HSD17B12: variants seen among roughly 807,000 people sequenced by gnomAD.
HSD17B12 encodes the protein hydroxysteroid 17-beta dehydrogenase 12, also known as very-long-chain 3-oxoacyl-CoA reductase.
Under a neutral mutation model 39.3 loss-of-function variants are expected in HSD17B12, and 32 were observed. That is an observed-to-expected ratio of 0.81 (90% CI 0.61 to 1.09). The LOEUF is 1.09. HSD17B12 is among the 50% of genes least tolerant of loss of function. HSD17B12 has a pLI of 0.00. For synonymous variants in HSD17B12, 150 were observed against 146.7 expected, an observed-to-expected ratio of 1.02 and a Z score of -0.16; for missense variants, 342 against 382.9, an observed-to-expected ratio of 0.89 and a Z score of 0.89.
intron 4 of HSD17B12, among the ~76,000 whole-genome samples, chr11:43,804,677 A>T (rs1018441579): frequency 2.0e-5 from 3 of 152,158 alleles, no homozygotes; most frequent in Non-Finnish European, 4.4e-5. Flanking sequence ...TTGGGGAAGC[A>T]ATTGTGTTGC....
At chr11:43,613,423 A>C in the HSD17B12 span, among the ~76,000 whole-genome samples, 96,238 of 150,948 alleles carry the variant, frequency 0.64, 31,243 homozygotes, top group East Asian at 0.78. Context: ...ACAACAACAA[A>C]AAAAAACAAA....
the HSD17B12 span, among the ~76,000 whole-genome samples, chr11:43,582,040 C>T: frequency 9.2e-5 from 14 of 152,026 alleles, no homozygotes; most frequent in African/African-American, 3.4e-4. Flanking sequence ...TGGGTAGATC[C>T]GAAAAAGAGG....
the HSD17B12 span, among the ~76,000 whole-genome samples, chr11:43,572,650 C>A: frequency 1.9e-4 from 29 of 152,286 alleles, no homozygotes; most frequent in Non-Finnish European, 3.1e-4. Flanking sequence ...CTATGCTCAA[C>A]AAGCCTAAGG....
chr11:43,782,863 C>A (rs1357921113), intron 3 of HSD17B12, among the ~76,000 whole-genome samples: 1 of 151,990 alleles, frequency 6.6e-6, no homozygotes, highest in Non-Finnish European at 1.5e-5. Flanking sequence ...CAGACACTAC[C>A]TTAATAAGAG....
chr11:43,664,628 A>G, the HSD17B12 span, among the ~76,000 whole-genome samples: 1 of 152,182 alleles, frequency 6.6e-6, no homozygotes, highest in Non-Finnish European at 1.5e-5. Context: ...TTGCTTATGA[A>G]GTTGCTCATT....
chr11:43,777,322 A>G (rs748431255), intron 3 of HSD17B12, among the ~76,000 whole-genome samples: 5,039 of 152,174 alleles, frequency 0.033, 112 homozygotes, highest in Non-Finnish European at 0.051. Flanking sequence ...GGTCCTTCAC[A>G]TCCCTTGTAA....
At chr11:43,566,484 C>T in the HSD17B12 span, among the ~76,000 whole-genome samples, 12 of 152,084 alleles carry the variant, frequency 7.9e-5, no homozygotes, top group South Asian at 1.7e-3. Context: ...GAAGATTTCC[C>T]GTCATCTCTT....
the HSD17B12 span, chr11:43,670,372 T>C: frequency 6.6e-6 from 1 of 152,080 alleles, no homozygotes; most frequent in Non-Finnish European, 1.5e-5. Flanking sequence ...TGAAACACCA[T>C]GTTATTATTT....
intron 3 of HSD17B12, among the ~76,000 whole-genome samples, chr11:43,778,983 T>G (rs2135005721): frequency 6.6e-6 from 1 of 152,322 alleles, no homozygotes; most frequent in Non-Finnish European, 1.5e-5. Flanking sequence ...TACTGAAAGC[T>G]TTTTGTGGTA....
chr11:43,754,330 T>TGGGA (rs1289033185), intron 3 of HSD17B12, among the ~76,000 whole-genome samples: 2 of 152,130 alleles, frequency 1.3e-5, no homozygotes, highest in East Asian at 3.9e-4. Flanking sequence ...CCCAGCACTT[T>TGGGA]GGGAGGCTGA....
chr11:43,575,414 A>G, the HSD17B12 span, among the ~76,000 whole-genome samples: 1 of 152,238 alleles, frequency 6.6e-6, no homozygotes, highest in African/African-American at 2.4e-5. This position sits in a 1 kb window ranked among gnomAD's most constrained non-coding sequence, Gnocchi z 4.1. Context: ...ATAGCTGTCT[A>G]TGCTACAGTG....
the HSD17B12 span, among the ~76,000 whole-genome samples, chr11:43,667,583 T>A: frequency 6.6e-6 from 1 of 152,242 alleles, no homozygotes; most frequent in Non-Finnish European, 1.5e-5. Flanking sequence ...CCAGAAGTGT[T>A]GCATATTTTG....
the HSD17B12 span, among the ~76,000 whole-genome samples, chr11:43,663,204 A>G: frequency 6.6e-6 from 1 of 152,232 alleles, no homozygotes; most frequent in South Asian, 2.1e-4. Flanking sequence ...GATTCAAGTG[A>G]TTATCTTGCC....
At chr11:43,669,432 C>A in the HSD17B12 span, among the ~76,000 whole-genome samples, 1,646 of 151,104 alleles carry the variant, frequency 0.011, 10 homozygotes, top group South Asian at 0.023. Context: ...ACCTGGGAGG[C>A]GGAGGTTGCA....
chr11:43,686,220 C>T (rs1037325193), intron 1 of HSD17B12, among the ~76,000 whole-genome samples: 5 of 152,116 alleles, frequency 3.3e-5, no homozygotes, highest in Non-Finnish European at 7.3e-5. Context: ...CAATGTTGAT[C>T]GCAGTAGTCA....
chr11:43,606,166 G>C, the HSD17B12 span, among the ~76,000 whole-genome samples: 2 of 152,242 alleles, frequency 1.3e-5, no homozygotes, highest in Non-Finnish European at 2.9e-5. Context: ...CATGAAAGGA[G>C]TAGTGTAGTA....
At chr11:43,616,367 C>A in the HSD17B12 span, among the ~76,000 whole-genome samples, 25 of 141,102 alleles carry the variant, frequency 1.8e-4, no homozygotes, top group Non-Finnish European at 1.5e-5. Context: ...AAGATAGTGC[C>A]ACTGCACTCC....
chr11:43,676,208 G>GGGGTGTGTGT (rs1554958171), upstream of HSD17B12, among the ~76,000 whole-genome samples: 18 of 147,728 alleles, frequency 1.2e-4, no homozygotes, highest in African/African-American at 4.0e-4. Context: ...AGAGGAAGAG[G>GGGGTGTGTGT]GTGTGTGTGT....
At chr11:43,585,527 C>A in the HSD17B12 span, among the ~76,000 whole-genome samples, 1 of 152,270 alleles carries the variant, frequency 6.6e-6, no homozygotes, top group South Asian at 2.1e-4. Flanking sequence ...GATCTATTTG[C>A]TATGTTAATT....
Sources: gnomAD v4.1 joint callset for allele counts (sites outside exome capture counted in the v4.1 genomes callset) on GRCh38, gnomAD v4.1.1 for gene constraint, Gnocchi (gnomAD v3.1) non-coding constraint, MANE v1.5 for transcripts, NCBI Gene and HGNC (gene_info 2026-07-23, HGNC 2026-07-21) for gene names.